Variants in UBE2K observed in about 807,000 individuals in gnomAD.
The protein encoded by UBE2K is ubiquitin conjugating enzyme E2 K, also known as ubiquitin-conjugating enzyme E2 K.
A neutral mutation model predicts 30.0 loss-of-function variants in UBE2K; 6 were observed. The ratio of observed to expected loss-of-function variants is 0.20; its 90% CI spans 0.11 to 0.39. The LOEUF is 0.39. Ranked by LOEUF, UBE2K falls within the 10% of genes least tolerant of loss-of-function variation. UBE2K has a pLI of 1.00. For missense variants in UBE2K, 61 were observed against 241.6 expected (o/e 0.25, Z 4.96); for synonymous variants, 86 against 83.7 (o/e 1.03, Z -0.15).
At chr4:39,746,582 A>G (rs922601086) in intron 3 of UBE2K, among the ~76,000 whole-genome samples, 2 of 152,288 alleles carry the variant, frequency 1.3e-5, no homozygotes, top group Non-Finnish European at 2.9e-5. Context: ...TCTAAACTCC[A>G]TGGCTTGGCA....
At chr4:39,744,955 T>G (rs915979307) in intron 2 of UBE2K, among the ~76,000 whole-genome samples, 68 of 149,002 alleles carry the variant, frequency 4.6e-4, no homozygotes, top group African/African-American at 1.7e-3. Flanking sequence ...AATAAATAAA[T>G]GAAGGAATAG....
chr4:39,771,486 T>A (rs906960314), intron 4 of UBE2K: 3 of 1,495,900 alleles, frequency 2.0e-6, no homozygotes, highest in East Asian at 4.7e-5. Context: ...TGTTTTTTTT[T>A]AATCCCCTAT....
intron 4 of UBE2K, 28 bp downstream of exon 4, chr4:39,755,767 C>A: frequency 6.7e-7 from 1 of 1,495,782 alleles, no homozygotes; most frequent in South Asian, 1.2e-5. Context: ...CACCTTCTCT[C>A]CTTCTCATAT....
At position 39,721,836 on chromosome 4, in the gene UBE2K, C is replaced by G. The variant is rs563844524; in HGVS notation, c.64-15584C>G. 3.3e-5 allele frequency among the ~76,000 whole-genome samples: 5 copies of G among 152,168 alleles called. No homozygotes were observed. The South Asian group carries it at 8.3e-4, about 25-fold the overall frequency. On this transcript the variant is annotated intron_variant, in intron 1 of 6. Coordinates refer to ENST00000261427, the MANE Select transcript of UBE2K (RefSeq NM_005339.5). ...GGGCATGGTGGCTCACTCTGGTAAT[C>G]CTTGCACTTTAGGAGGCTGAGGCAG...
chr4:39,702,326 C>T (rs1718079762), intron 1 of UBE2K, among the ~76,000 whole-genome samples: 1 of 142,046 alleles, frequency 7.0e-6, no homozygotes, highest in African/African-American at 2.6e-5. Flanking sequence ...GCGATCTTGG[C>T]TCACCCCAAC....
intron 4 of UBE2K, among the ~76,000 whole-genome samples, chr4:39,772,976 C>T (rs958622159): frequency 3.1e-5 from 4 of 128,046 alleles, no homozygotes; most frequent in Admixed American, 8.3e-5. Context: ...TGTGAGCCAC[C>T]GCGCCCAGCC....
intron 4 of UBE2K, among the ~76,000 whole-genome samples, chr4:39,760,207 A>C (rs1260974258): frequency 6.6e-5 from 10 of 151,414 alleles, no homozygotes; most frequent in South Asian, 2.1e-4. Context: ...AAAAAAAAAA[A>C]AAACAAATAA....
At chr4:39,728,669 G>A (rs964893043) in intron 1 of UBE2K, among the ~76,000 whole-genome samples, 2 of 147,374 alleles carry the variant, frequency 1.4e-5, no homozygotes, top group African/African-American at 5.0e-5. Flanking sequence ...ACAGAGTCTC[G>A]CTCTGTCCCC....
chr4:39,726,227 C>T (rs1719744390), intron 1 of UBE2K, among the ~76,000 whole-genome samples: 1 of 152,156 alleles, frequency 6.6e-6, no homozygotes, highest in South Asian at 2.1e-4. Context: ...AACTCCTGAC[C>T]TCAGGTGTTC....
chr4:39,698,525 G>C (rs1358812162), intron 1 of UBE2K, 135 bp downstream of exon 1: 2 of 777,726 alleles, frequency 2.6e-6, no homozygotes, highest in East Asian at 5.4e-5. Context: ...GGAAGCAGCA[G>C]TGTTCCCCTC....
chr4:39,728,553 T>C (rs1719879916), intron 1 of UBE2K, among the ~76,000 whole-genome samples: 1 of 152,158 alleles, frequency 6.6e-6, no homozygotes, highest in African/African-American at 2.4e-5. Context: ...TATCAGACTA[T>C]CCAAATATCT....
Position 39,777,694 on chromosome 4 carries a change from C to T in UBE2K, c.412C>T (p.Pro138Ser), listed in dbSNP as rs1160140704. ...AVVANQYKQNPEMFKQTARLW... is the reference protein window; with the variant it reads ...AVVANQYKQNSEMFKQTARLW... ...TCCCCCCATATAGTACAAACAAAAT[C>T]CCGAAATGTTCAAACAGACAGCTCG... The change falls in exon 6 of 7, where the codon CCC becomes TCC. Residue 138 changes from proline to serine, a missense_variant. By Grantham distance (74) the Pro-to-Ser change is moderately conservative (BLOSUM62 -1). Coordinates refer to ENST00000261427, the MANE Select transcript of UBE2K (RefSeq NM_005339.5). 1 of 1,560,574 alleles carries T rather than the reference C, an allele frequency of 6.4e-7. No individual in the cohort carries two copies. The highest frequency in any genetic ancestry group is 8.6e-7 in the Non-Finnish European group (1 of 1,162,784).
At chr4:39,762,936 CTTTTTTTTTT>C (rs869207095) in intron 4 of UBE2K, among the ~76,000 whole-genome samples, 4 of 78,688 alleles carry the variant, frequency 5.1e-5, no homozygotes, top group Non-Finnish European at 9.3e-5. Context: ...CCAAAAAACA[CTTTTTTTTTT>C]TTTTTTTTTT....
intron 3 of UBE2K, among the ~76,000 whole-genome samples, chr4:39,754,363 G>A (rs1721421003): frequency 2.0e-5 from 3 of 152,188 alleles, no homozygotes; most frequent in Non-Finnish European, 4.4e-5. Context: ...AAAGTCATTG[G>A]CGAATTAAAG....
intron 1 of UBE2K, among the ~76,000 whole-genome samples, chr4:39,722,623 A>G (rs1016523157): frequency 1.3e-5 from 2 of 152,134 alleles, no homozygotes; most frequent in African/African-American, 4.8e-5. Flanking sequence ...TTAATCTAGC[A>G]TGTTTATCTT....
intron 1 of UBE2K, among the ~76,000 whole-genome samples, chr4:39,703,997 C>T (rs371362774): frequency 2.8e-4 from 43 of 152,016 alleles, no homozygotes; most frequent in African/African-American, 7.0e-4. Flanking sequence ...GTTTGTTTCC[C>T]GTTTTTAGTG....
At chr4:39,767,079 G>C (rs564398037) in intron 4 of UBE2K, among the ~76,000 whole-genome samples, 1 of 152,036 alleles carries the variant, frequency 6.6e-6, no homozygotes, top group African/African-American at 2.4e-5. Context: ...TAAAATTGTC[G>C]TGCATATTCT....
intron 1 of UBE2K, among the ~76,000 whole-genome samples, chr4:39,699,032 C>G (rs967615846): frequency 2.6e-5 from 4 of 152,118 alleles, no homozygotes; most frequent in Non-Finnish European, 5.9e-5. Context: ...AAGTTAATTC[C>G]AAATAAGATA....
chr4:39,728,802 C>T (rs1469809961), intron 1 of UBE2K, among the ~76,000 whole-genome samples: 4 of 148,446 alleles, frequency 2.7e-5, no homozygotes, highest in Non-Finnish European at 4.5e-5. Context: ...CCACGCCCGG[C>T]TAGTAGGTTT....
Sources: allele counts gnomAD v4.1 joint callset (sites outside exome capture counted in the v4.1 genomes callset), GRCh38; gene constraint gnomAD v4.1.1; transcripts MANE v1.5; gene names NCBI Gene and HGNC (gene_info 2026-07-23, HGNC 2026-07-21).